The following DTNB variants were observed in gnomAD, a reference collection of about 807,000 sequenced individuals.
The protein encoded by DTNB is DTN-B.
A neutral mutation model predicts 90.7 loss-of-function variants in DTNB; 63 were observed. The observed-to-expected ratio is 0.69, with a 90% CI of 0.57 to 0.86. DTNB has a LOEUF of 0.86. DTNB is among the 40% of genes least tolerant of loss of function. DTNB has a pLI of 0.00. For synonymous variants in DTNB, 277 were observed against 286.7 expected (o/e 0.97, Z 0.34); for missense variants, 744 against 807.1 (o/e 0.92, Z 0.95).
At chr2:25,422,400 T>C (rs1312206538) in intron 15 of DTNB, among the ~76,000 whole-genome samples, 1 of 84,652 alleles carries the variant, frequency 1.2e-5, no homozygotes, top group Non-Finnish European at 3.1e-5. Flanking sequence ...CTCTTCTTTT[T>C]TTTTTTTTTT....
At chr2:25,586,512 A>G (rs79431951) in intron 6 of DTNB, among the ~76,000 whole-genome samples, 1 of 145,972 alleles carries the variant, frequency 6.9e-6, no homozygotes, top group African/African-American at 2.5e-5. Flanking sequence ...TCTGTCTCCA[A>G]AAAAAAAAAA....
chr2:25,455,315 G>GTT, intron 11 of DTNB, 90 bp downstream of exon 11: 1 of 1,260,350 alleles, frequency 7.9e-7, no homozygotes, highest in Non-Finnish European at 1.1e-6. Flanking sequence ...CTGACATGCA[G>GTT]TTTTTTTTCC....
chr2:25,531,237 T>A (rs925531013), intron 9 of DTNB, among the ~76,000 whole-genome samples: 1 of 152,226 alleles, frequency 6.6e-6, no homozygotes, highest in Non-Finnish European at 1.5e-5. Flanking sequence ...AATGGGCTCA[T>A]GTTTCTGGAG....
At chr2:25,438,448 G>A (rs971585186) in intron 12 of DTNB, among the ~76,000 whole-genome samples, 1 of 152,192 alleles carries the variant, frequency 6.6e-6, no homozygotes, top group Admixed American at 6.5e-5. Flanking sequence ...GACCATACAG[G>A]GCCTCTGAGC....
intron 1 of DTNB, among the ~76,000 whole-genome samples, chr2:25,673,139 G>A (rs1054004536): frequency 1.6e-4 from 24 of 151,366 alleles, no homozygotes; most frequent in African/African-American, 5.8e-4. Flanking sequence ...TACCCCTCCC[G>A]GCCCGGGATC....
intron 5 of DTNB, among the ~76,000 whole-genome samples, chr2:25,600,575 A>G (rs2065659751): frequency 6.6e-6 from 1 of 152,222 alleles, no homozygotes; most frequent in South Asian, 2.1e-4. Context: ...ACTCTCAGTC[A>G]AGTTTTCTAT....
chr2:25,381,132 C>G (rs1469048664), intron 19 of DTNB, among the ~76,000 whole-genome samples: 1 of 152,192 alleles, frequency 6.6e-6, no homozygotes, highest in African/African-American at 2.4e-5. Context: ...AGAGATGCAG[C>G]TGTTATGTCT....
At position 25,387,690 on chromosome 2, in the gene DTNB, G is replaced by C. The variant is rs1195620816; in HGVS notation, c.1736-312C>G. Among the ~76,000 whole-genome samples, 1 of 152,084 alleles carries C rather than the reference G, an allele frequency of 6.6e-6. No individual in the cohort carries two copies. Among genetic ancestry groups the C allele is most frequent in the African/African-American group, 2.4e-5 (1 of 41,400 alleles). On this transcript the variant is annotated intron_variant, in intron 17 of 20. Transcript: ENST00000406818. This position sits in a 1 kb window ranked among gnomAD's most constrained non-coding sequence, Gnocchi z 4.5. ...CCGAGGTCTTCCTCAGCCTTGTGGG[G>C]GTGGGGCTGTACTCTCCACAACCAC...
chr2:25,606,243 C>T (rs1028544982), intron 5 of DTNB, among the ~76,000 whole-genome samples: 3 of 152,034 alleles, frequency 2.0e-5, no homozygotes, highest in East Asian at 1.9e-4. Flanking sequence ...CATCCAAATC[C>T]GGGCTCACAG....
chr2:25,524,788 T>A (rs2076788189), intron 9 of DTNB, among the ~76,000 whole-genome samples: 1 of 152,206 alleles, frequency 6.6e-6, no homozygotes, highest in Admixed American at 6.5e-5. Flanking sequence ...ACTGCCCAGG[T>A]TGGCTGCTCC....
chr2:25,442,928 G>A (rs939049478), intron 12 of DTNB, among the ~76,000 whole-genome samples: 3 of 152,204 alleles, frequency 2.0e-5, no homozygotes, highest in Non-Finnish European at 4.4e-5. Context: ...TATAAATACA[G>A]ATGGCTCTCG....
chr2:25,493,985 C>T (rs902177260), intron 9 of DTNB, among the ~76,000 whole-genome samples: 4 of 152,172 alleles, frequency 2.6e-5, no homozygotes, highest in Non-Finnish European at 4.4e-5. Context: ...AAAACCAGTA[C>T]AACAAAATAA....
chr2:25,588,254 C>A (rs1233695735), intron 6 of DTNB, among the ~76,000 whole-genome samples: 1 of 152,044 alleles, frequency 6.6e-6, no homozygotes, highest in Non-Finnish European at 1.5e-5. Flanking sequence ...TCCTCCAATG[C>A]TGAATATTTG....
At chr2:25,420,924 G>C (rs1355710796) in intron 15 of DTNB, among the ~76,000 whole-genome samples, 1 of 152,212 alleles carries the variant, frequency 6.6e-6, no homozygotes, top group East Asian at 1.9e-4. Context: ...TCTTTCTTCA[G>C]TTCTTTGCTA....
At chr2:25,665,388 A>G (rs2084176756) in intron 1 of DTNB, among the ~76,000 whole-genome samples, 1 of 152,178 alleles carries the variant, frequency 6.6e-6, no homozygotes, top group Non-Finnish European at 1.5e-5. Context: ...GCACCTTGGG[A>G]GGCTGAGGCG....
chr2:25,601,412 C>A (rs539271271), intron 5 of DTNB, among the ~76,000 whole-genome samples: 1 of 152,278 alleles, frequency 6.6e-6, no homozygotes, highest in Admixed American at 6.5e-5. Context: ...CAATCAAGCC[C>A]TTAAATGTAC....
intron 1 of DTNB, among the ~76,000 whole-genome samples, chr2:25,665,110 G>C (rs375806031): frequency 9.8e-5 from 15 of 152,296 alleles, no homozygotes; most frequent in African/African-American, 3.4e-4. Context: ...CCACAGTAAA[G>C]ACTAAAGGAA....
At chr2:25,388,082 C>CAA in intron 17 of DTNB, 120 bp downstream of exon 17, 1 of 1,475,092 alleles carries the variant, frequency 6.8e-7, no homozygotes, top group East Asian at 2.5e-5. Context: ...CACTGTCTGT[C>CAA]AAAATCTGAT....
At chr2:25,462,983 G>A (rs965880262) in intron 10 of DTNB, among the ~76,000 whole-genome samples, 8 of 152,268 alleles carry the variant, frequency 5.3e-5, no homozygotes, top group Non-Finnish European at 7.4e-5. Flanking sequence ...GATTACAGGC[G>A]TGAGCCACCG....
Sources: gnomAD v4.1 joint callset for allele counts (sites outside exome capture counted in the v4.1 genomes callset) on GRCh38, gnomAD v4.1.1 for gene constraint, Gnocchi (gnomAD v3.1) non-coding constraint, MANE v1.5 for transcripts, NCBI Gene and HGNC (gene_info 2026-07-23, HGNC 2026-07-21) for gene names.